Variants in SPEF2 observed in about 807,000 individuals in gnomAD.
SPEF2 encodes the protein sperm flagellar and cilia associated 2.
Under a neutral mutation model 224.6 loss-of-function variants are expected in SPEF2, and 187 were observed. The ratio of observed to expected loss-of-function variants is 0.83; its 90% CI spans 0.74 to 0.94. The LOEUF (loss-of-function observed/expected upper bound fraction) is 0.94, where lower values mean the gene tolerates loss of function less well. Among genes scored for constraint, SPEF2 ranks in the 40% least tolerant of loss-of-function variants. The probability of loss-of-function intolerance (pLI) is 0.00; values close to 1 mark genes in which losing one functional copy is unlikely to be tolerated. For missense variants in SPEF2, 2,170 were observed against 2,135.6 expected (o/e 1.02, Z -0.32); for synonymous variants, 715 against 707.3 (o/e 1.01, Z -0.17).
chr5:35,698,050 A>C, intron 15 of SPEF2: 1 of 246,052 alleles, frequency 4.1e-6, no homozygotes. Context: ...GGGGAATTCA[A>C]TGAGAAATTG....
chr5:35,628,040 A>G (rs115020654), intron 1 of SPEF2, among the ~76,000 whole-genome samples: 1,883 of 152,330 alleles, frequency 0.012, 22 homozygotes, highest in Non-Finnish European at 0.02. Context: ...GTATTTGTTT[A>G]AAAGAAGTTA....
intron 33 of SPEF2, among the ~76,000 whole-genome samples, chr5:35,796,234 TCTCA>T (rs1756639433): frequency 1.3e-5 from 2 of 152,206 alleles, no homozygotes; most frequent in Non-Finnish European, 2.9e-5. Context: ...AGCTTGCTGC[TCTCA>T]CTATTATTAT....
At chr5:35,743,514 T>C (rs1004632185) in intron 23 of SPEF2, among the ~76,000 whole-genome samples, 2 of 152,184 alleles carry the variant, frequency 1.3e-5, no homozygotes, top group African/African-American at 4.8e-5. Context: ...TTTTTAGCAG[T>C]GGATCTTCAG....
chr5:35,670,049 T>A lies in SPEF2; in HGVS notation c.1356-10T>A. The A allele has an allele frequency of 6.3e-7, 1 of 1,580,518 alleles. No individual in the cohort carries two copies. Among genetic ancestry groups the A allele is most frequent in the Non-Finnish European group, 8.6e-7 (1 of 1,168,914 alleles). ...CATTGATTCATCTCTACCTTTTTTT[T>A]GTGCGATAGTCTGATTCCGTATAAG... On this transcript the variant is annotated splice_polypyrimidine_tract_variant and intron_variant, in intron 9 of 36. Transcript: ENST00000356031.
In SPEF2 at chr5:35,649,372, T is replaced by C. The variant is rs1580119596; in HGVS notation, c.738T>C (p.Asp246=). 1 of 1,611,946 alleles carries C rather than the reference T, an allele frequency of 6.2e-7. No individual in the cohort carries two copies. Among genetic ancestry groups the C allele is most frequent in the Non-Finnish European group, 8.5e-7 (1 of 1,179,224 alleles). The part of the protein sequence containing the change: ...KKKKEAEDVA[D]EIKKFEALIK... ...AATTTTCTTTAAAGGATGTGGCTGA[T>C]GAAATTAAGAAGTTCGAAGCATTAA... Residue 246 remains aspartate, a synonymous_variant, in exon 6 of 37, where the codon GAT becomes GAC. Transcript: ENST00000356031.
chr5:35,797,903 G>A (rs1009352902), intron 33 of SPEF2, among the ~76,000 whole-genome samples: 38 of 152,086 alleles, frequency 2.5e-4, no homozygotes, highest in African/African-American at 8.5e-4. Context: ...CAGGTCCTCC[G>A]TAACCTCTTG....
chr5:35,647,587 C>T (rs1747569772), intron 5 of SPEF2, among the ~76,000 whole-genome samples: 1 of 152,134 alleles, frequency 6.6e-6, no homozygotes, highest in Admixed American at 6.5e-5. Context: ...GGACACCTCC[C>T]GTTAGGTTCC....
chr5:35,810,668 C>T (rs565457059), intron 36 of SPEF2, among the ~76,000 whole-genome samples: 1 of 152,308 alleles, frequency 6.6e-6, no homozygotes, highest in Non-Finnish European at 1.5e-5. Flanking sequence ...TCCTGACATA[C>T]TGATCTCCAA....
intron 30 of SPEF2, among the ~76,000 whole-genome samples, chr5:35,787,260 CTTTTTTT>C (rs542133921): frequency 1.4e-5 from 2 of 141,052 alleles, no homozygotes; most frequent in Admixed American, 1.4e-4. Flanking sequence ...GCTTCACACC[CTTTTTTT>C]TTTTTTTTGG....
rs557514205 is a variant in SPEF2, at chr5:35,763,569, C to T, written c.3668C>T (p.Pro1223Leu). ...RISISLETVT[P>L]KPKTKSVLKG... Reference sequence around the variant, plus strand: ...TCCATTTCTCTGGAAACAGTTACACCCAAACCAAAAACAAAATCAGTACTG... The same window carrying T: ...TCCATTTCTCTGGAAACAGTTACACTCAAACCAAAAACAAAATCAGTACTG... The change falls in exon 26 of 37, where the codon CCC becomes CTC. Residue 1223 changes from proline (P) to leucine (L), a missense_variant. Transcript: ENST00000356031. 6 of 1,612,432 alleles carry T rather than the reference C, an allele frequency of 3.7e-6. No homozygotes were observed. Among genetic ancestry groups the T allele is most frequent in the South Asian group, 2.2e-5 (2 of 90,670 alleles).
chr5:35,685,972 G>T, intron 10 of SPEF2, among the ~76,000 whole-genome samples: 1 of 151,672 alleles, frequency 6.6e-6, no homozygotes. Context: ...TTTTGTTTTG[G>T]TTCTCTCTTT....
rs971048746 is a variant in SPEF2, at chr5:35,712,385, G to C, written c.2840-427G>C. 5.9e-5 allele frequency among the ~76,000 whole-genome samples: 9 copies of C among 152,208 alleles called. No homozygotes were observed. The South Asian group carries it at 1.9e-3, about 32-fold the overall frequency. ...GCCGGGACTACAGGTGCATGTCACTGTACCTGGCTTTGGCATCATTTTTAT... is the reference window on the plus strand; with the variant it reads ...GCCGGGACTACAGGTGCATGTCACTCTACCTGGCTTTGGCATCATTTTTAT... On this transcript the variant is annotated intron_variant, in intron 19 of 36. Transcript: ENST00000356031.
chr5:35,709,394 G>A (rs1740649676), intron 19 of SPEF2: 2 of 1,198,262 alleles, frequency 1.7e-6, no homozygotes, highest in East Asian at 9.6e-5. Flanking sequence ...AGAGGAAAAG[G>A]CACAGAGTAA....
intron 36 of SPEF2, among the ~76,000 whole-genome samples, chr5:35,811,879 G>A (rs893851483): frequency 6.6e-6 from 1 of 151,078 alleles, no homozygotes; most frequent in Non-Finnish European, 1.5e-5. Context: ...GCACCTCCCG[G>A]GTTCACGCCA....
intron 36 of SPEF2, chr5:35,807,527 A>G: frequency 9.5e-7 from 1 of 1,055,522 alleles, no homozygotes. Flanking sequence ...TAATGACCCT[A>G]GCCTGTGATT....
At chr5:35,690,013 T>G (rs1754215826) in intron 10 of SPEF2, among the ~76,000 whole-genome samples, 1 of 152,162 alleles carries the variant, frequency 6.6e-6, no homozygotes, top group Non-Finnish European at 1.5e-5. Context: ...TTTACAAGTT[T>G]CTTCTTCCTA....
At chr5:35,619,242 G>T (rs141198669) in intron 1 of SPEF2, among the ~76,000 whole-genome samples, 1 of 152,320 alleles carries the variant, frequency 6.6e-6, no homozygotes, top group Non-Finnish European at 1.5e-5. Flanking sequence ...ATGATGGACT[G>T]AGGACAATAT....
chr5:35,724,033 C>T (rs1744215863), intron 20 of SPEF2, among the ~76,000 whole-genome samples: 1 of 152,032 alleles, frequency 6.6e-6, no homozygotes, highest in South Asian at 2.1e-4. Flanking sequence ...TTTTATGTAC[C>T]AGGCACTACA....
At chr5:35,802,987 C>A (rs1757630897) in intron 34 of SPEF2, among the ~76,000 whole-genome samples, 1 of 152,224 alleles carries the variant, frequency 6.6e-6, no homozygotes, top group African/African-American at 2.4e-5. Flanking sequence ...GACCACTTAT[C>A]TATTTCTACT....
Sources: gnomAD v4.1 joint callset for allele counts (sites outside exome capture counted in the v4.1 genomes callset) on GRCh38, gnomAD v4.1.1 for gene constraint, MANE v1.5 for transcripts, NCBI Gene and HGNC (gene_info 2026-07-23, HGNC 2026-07-21) for gene names.